The following HS3ST4 variants were observed in gnomAD, a reference collection of about 807,000 sequenced individuals.
HS3ST4 encodes heparan sulfate-glucosamine 3-sulfotransferase 4, also known as heparan sulfate glucosamine 3-O-sulfotransferase 4.
In HS3ST4, 17 loss-of-function variants were observed where a neutral mutation model predicts 29.2. The observed-to-expected ratio is 0.58, with a 90% confidence interval of 0.40 to 0.87. The LOEUF (loss-of-function observed/expected upper bound fraction) is 0.87, where lower values mean the gene tolerates loss of function less well. Among genes scored for constraint, HS3ST4 ranks in the 40% least tolerant of loss-of-function variants. The pLI is 0.00. For missense variants in HS3ST4, 627 were observed against 634.5 expected (o/e 0.99, Z 0.13); for synonymous variants, 314 against 285.7 (o/e 1.10, Z -1.00).
chr16:25,811,608 T>C (rs1967042943), intron 1 of HS3ST4, among the ~76,000 whole-genome samples: 1 of 151,858 alleles, frequency 6.6e-6, no homozygotes, highest in Non-Finnish European at 1.5e-5. Context: ...TAATTTTGTA[T>C]TTTTAGTAGA....
chr16:25,932,752 G>A (rs8051669), intron 1 of HS3ST4, among the ~76,000 whole-genome samples: 87,442 of 151,786 alleles, frequency 0.58, 26,398 homozygotes, highest in African/African-American at 0.72. Context: ...ATTTTACAGA[G>A]GAAGCGTCTG....
intron 1 of HS3ST4, among the ~76,000 whole-genome samples, chr16:25,931,238 G>A (rs529534245): frequency 6.6e-6 from 1 of 152,284 alleles, no homozygotes; most frequent in Non-Finnish European, 1.5e-5. Context: ...CTCCAAGCTG[G>A]GAAGACTTGA....
chr16:26,120,052 AGTGTG>A (rs1315540096), intron 1 of HS3ST4, among the ~76,000 whole-genome samples: 14 of 131,450 alleles, frequency 1.1e-4, no homozygotes, highest in African/African-American at 3.5e-4. Context: ...AGCTGAAGGA[AGTGTG>A]TGTGTGTGTG....
chr16:25,699,597 C>T (rs936041506), intron 1 of HS3ST4, among the ~76,000 whole-genome samples: 2 of 152,204 alleles, frequency 1.3e-5, no homozygotes, highest in Non-Finnish European at 2.9e-5. Context: ...CAACAGGTTA[C>T]TTATATTAAT....
chr16:26,013,528 C>T (rs1238318607), intron 1 of HS3ST4, among the ~76,000 whole-genome samples: 2 of 152,172 alleles, frequency 1.3e-5, no homozygotes, highest in East Asian at 1.9e-4. Context: ...TACAGATTCA[C>T]CCAATAGATG....
chr16:25,976,200 A>T (rs920482084), intron 1 of HS3ST4, among the ~76,000 whole-genome samples: 6 of 152,124 alleles, frequency 3.9e-5, no homozygotes, highest in Non-Finnish European at 7.4e-5. Context: ...TTTTAATTTG[A>T]ATTTCTTTTA....
At chr16:25,887,891 GT>G (rs1967971095) in intron 1 of HS3ST4, among the ~76,000 whole-genome samples, 1 of 151,776 alleles carries the variant, frequency 6.6e-6, no homozygotes, top group Admixed American at 6.6e-5. Flanking sequence ...TAGAGACGGG[GT>G]TTCACCATGT....
In HS3ST4 at chr16:25,693,001, A is replaced by G. The variant is rs1966268308; in HGVS notation, c.584A>G (p.Lys195Arg). ...GTCAGCACCCCCGACTATGGGGAGA[A>G]GAAGCTGCCACAGGCGCTCATCATC... Reference protein sequence around the residue: ...GAVSTPDYGEKKLPQALIIGV... With the variant: ...GAVSTPDYGERKLPQALIIGV... Residue 195 changes from lysine to arginine, a missense_variant, in exon 1 of 2, where the codon AAG (lysine) becomes AGG (arginine). Lys to Arg is a conservative substitution (Grantham distance 26). Around this residue, in one of 2 missense-constraint regions of HS3ST4, gnomAD observed 402 missense variants for 340.8 expected, o/e 1.18. Transcript: ENST00000331351. The G allele has an allele frequency of 1.9e-6, 3 of 1,611,396 alleles. No individual in the cohort carries two copies. The East Asian group carries it at 6.7e-5, about 36-fold the overall frequency.
At chr16:25,728,796 G>C (rs1966553237) in intron 1 of HS3ST4, among the ~76,000 whole-genome samples, 2 of 152,114 alleles carry the variant, frequency 1.3e-5, no homozygotes, top group Admixed American at 1.3e-4. Context: ...AAAAGTTTTA[G>C]TCTTGGCAAA....
intron 1 of HS3ST4, among the ~76,000 whole-genome samples, chr16:25,893,692 G>A (rs1267481605): frequency 3.3e-5 from 5 of 152,244 alleles, no homozygotes; most frequent in Admixed American, 3.3e-4. Flanking sequence ...GGAAATGGGG[G>A]CAGCCCCACC....
chr16:25,742,620 G>A (rs1394744859), intron 1 of HS3ST4, among the ~76,000 whole-genome samples: 2 of 152,174 alleles, frequency 1.3e-5, no homozygotes, highest in African/African-American at 4.8e-5. Flanking sequence ...AAGCAACAGA[G>A]GTCTCTGACT....
At chr16:25,935,293 C>T (rs1167389728) in intron 1 of HS3ST4, among the ~76,000 whole-genome samples, 1 of 152,142 alleles carries the variant, frequency 6.6e-6, no homozygotes, top group Non-Finnish European at 1.5e-5. Context: ...ACGTTGGTTG[C>T]AACTGATGCA....
chr16:26,091,853 T>C (rs565280269), intron 1 of HS3ST4, among the ~76,000 whole-genome samples: 1 of 152,192 alleles, frequency 6.6e-6, no homozygotes, highest in Non-Finnish European at 1.5e-5. Context: ...AATTCTCTTT[T>C]TCAAGAAATA....
intron 1 of HS3ST4, among the ~76,000 whole-genome samples, chr16:25,875,778 C>T (rs969886771): frequency 5.3e-5 from 8 of 152,090 alleles, no homozygotes; most frequent in African/African-American, 1.7e-4. Flanking sequence ...ATGGGTCATA[C>T]AGTCTGTGAA....
intron 1 of HS3ST4, among the ~76,000 whole-genome samples, chr16:26,057,203 G>C (rs1898419233): frequency 6.6e-6 from 1 of 152,134 alleles, no homozygotes; most frequent in African/African-American, 2.4e-5. Context: ...TTTGGATAAG[G>C]GGTACTCAAC....
At chr16:26,051,340 A>G (rs1596663616) in intron 1 of HS3ST4, among the ~76,000 whole-genome samples, 2 of 152,174 alleles carry the variant, frequency 1.3e-5, no homozygotes, top group East Asian at 1.9e-4. Flanking sequence ...AGGGCTGTCT[A>G]CACACAGATA....
intron 1 of HS3ST4, among the ~76,000 whole-genome samples, chr16:25,893,888 A>G (rs1156750251): frequency 6.6e-6 from 1 of 152,214 alleles, no homozygotes; most frequent in African/African-American, 2.4e-5. Flanking sequence ...CGGGATGTCC[A>G]GGGAAGTCCT....
At chr16:26,015,618 C>A (rs1193761171) in intron 1 of HS3ST4, among the ~76,000 whole-genome samples, 2 of 152,174 alleles carry the variant, frequency 1.3e-5, no homozygotes, top group Admixed American at 6.5e-5. Flanking sequence ...AAGCTCCAGC[C>A]CTCTGATTGC....
At chr16:25,754,863 A>G (rs1966746440) in intron 1 of HS3ST4, among the ~76,000 whole-genome samples, 1 of 151,588 alleles carries the variant, frequency 6.6e-6, no homozygotes, top group Admixed American at 6.6e-5. Context: ...CCATCCATCC[A>G]TTCATCCACC....
Sources: allele counts gnomAD v4.1 joint callset (sites outside exome capture counted in the v4.1 genomes callset), GRCh38; gene constraint gnomAD v4.1.1; regional missense constraint gnomAD v4.1.1; transcripts MANE v1.5; gene names NCBI Gene and HGNC (gene_info 2026-07-23, HGNC 2026-07-21).